The following ATRNL1 variants were observed in gnomAD, a reference collection of about 807,000 sequenced individuals.
ATRNL1 encodes the protein attractin like 1, also known as attractin-like protein 1.
A neutral mutation model predicts 182.7 loss-of-function variants in ATRNL1; 95 were observed. The observed-to-expected ratio is 0.52, with a 90% CI of 0.44 to 0.62. The LOEUF is 0.62. Among genes scored for constraint, ATRNL1 ranks in the 20% least tolerant of loss-of-function variants. The probability of loss-of-function intolerance (pLI) is 0.00; values close to 1 mark genes in which losing one functional copy is unlikely to be tolerated. For synonymous variants in ATRNL1, 576 were observed against 568.3 expected (o/e 1.01, Z -0.19); for missense variants, 1,471 against 1,679.5 (o/e 0.88, Z 2.17).
At chr10:115,757,047 T>C (rs1555072258) in intron 27 of ATRNL1, among the ~76,000 whole-genome samples, 1 of 152,188 alleles carries the variant, frequency 6.6e-6, no homozygotes, top group African/African-American at 2.4e-5. Context: ...TGAGCCTATG[T>C]GTGTCCCTAC....
intron 26 of ATRNL1, among the ~76,000 whole-genome samples, chr10:115,683,205 A>G (rs1555045267): frequency 2.6e-5 from 4 of 152,078 alleles, no homozygotes; most frequent in African/African-American, 9.6e-5. Context: ...CACATATGTT[A>G]TTCCATATTA....
intron 26 of ATRNL1, among the ~76,000 whole-genome samples, chr10:115,605,409 G>T (rs939784001): frequency 2.6e-5 from 4 of 151,748 alleles, no homozygotes; most frequent in Non-Finnish European, 4.4e-5. Context: ...ACTAATAATA[G>T]AAATTTCTGT....
chr10:115,271,627 A>G (rs1851871430), intron 13 of ATRNL1, among the ~76,000 whole-genome samples: 1 of 152,220 alleles, frequency 6.6e-6, no homozygotes, highest in Admixed American at 6.5e-5. Context: ...CCAGATATCC[A>G]TCAATGATAG....
intron 17 of ATRNL1, among the ~76,000 whole-genome samples, chr10:115,305,273 A>G (rs1564896140): frequency 3.3e-5 from 5 of 152,160 alleles, no homozygotes; most frequent in South Asian, 2.1e-4. Flanking sequence ...CTGTTACTTG[A>G]AGAGCTAAGG....
chr10:115,192,758 A>G (rs1848217680), intron 8 of ATRNL1, among the ~76,000 whole-genome samples: 1 of 152,060 alleles, frequency 6.6e-6, no homozygotes, highest in Admixed American at 6.6e-5. Flanking sequence ...AGTGTCTTAT[A>G]ATTTCAATTG....
intron 26 of ATRNL1, among the ~76,000 whole-genome samples, chr10:115,657,706 G>A (rs868972564): frequency 6.6e-6 from 1 of 151,924 alleles, no homozygotes; most frequent in African/African-American, 2.4e-5. Context: ...TTGTCATAAC[G>A]GCCACACTGA....
chr10:115,124,106 C>A (rs1452523084), intron 3 of ATRNL1, among the ~76,000 whole-genome samples: 4 of 151,952 alleles, frequency 2.6e-5, no homozygotes, highest in African/African-American at 9.7e-5. Flanking sequence ...TCATCCTCCC[C>A]CGGTCTGTGG....
chr10:115,301,691 A>C (rs1379324736), intron 16 of ATRNL1, among the ~76,000 whole-genome samples, 164 bp from the exon 17 acceptor site: 5 of 152,246 alleles, frequency 3.3e-5, no homozygotes, highest in Non-Finnish European at 5.9e-5. Flanking sequence ...AAAAATTTTA[A>C]GAAGTATTGA....
chr10:115,842,010 G>A (rs1447960059), intron 27 of ATRNL1, among the ~76,000 whole-genome samples: 7 of 151,858 alleles, frequency 4.6e-5, no homozygotes, highest in Admixed American at 4.6e-4. Context: ...GCAAGCTGTT[G>A]AAAAAGACTC....
chr10:115,162,186 T>C (rs966229246), intron 6 of ATRNL1, among the ~76,000 whole-genome samples: 2 of 151,362 alleles, frequency 1.3e-5, no homozygotes, highest in African/African-American at 4.9e-5. Flanking sequence ...ATTATAGACA[T>C]GAACATATAT....
At chr10:115,249,652 A>C (rs1227742910) in intron 10 of ATRNL1, among the ~76,000 whole-genome samples, 1 of 152,030 alleles carries the variant, frequency 6.6e-6, no homozygotes, top group Non-Finnish European at 1.5e-5. Flanking sequence ...TGAGTACATT[A>C]TGTTATTTTA....
At chr10:115,135,854 T>C (rs559906177) in intron 5 of ATRNL1, among the ~76,000 whole-genome samples, 5 of 152,160 alleles carry the variant, frequency 3.3e-5, no homozygotes, top group African/African-American at 1.2e-4. Context: ...GTCATTTTTT[T>C]TTCTTTGGTT....
rs114920408 is a variant in ATRNL1, at chr10:115,429,141, G to A, written c.3322+2839G>A. Among the ~76,000 whole-genome samples the A allele has an allele frequency of 6.4e-3, 970 of 151,902 alleles. 9 individuals carry two copies. Among genetic ancestry groups the A allele is most frequent in the African/African-American group, 0.022 (926 of 41,418 alleles). On this transcript the variant is annotated intron_variant, in intron 21 of 28. Coordinates refer to ENST00000355044, the MANE Select transcript of ATRNL1 (RefSeq NM_207303.4). ...GTTGATGCCTTGAAAATGATTTGCT[G>A]GGTGTGTAAAATTTATCCTTTTTTC...
At chr10:115,366,277 C>T (rs1476178024) in intron 19 of ATRNL1, among the ~76,000 whole-genome samples, 4 of 151,800 alleles carry the variant, frequency 2.6e-5, no homozygotes, top group Non-Finnish European at 5.9e-5. Flanking sequence ...ATGTAATGGC[C>T]TTCTTTGTCT....
intron 27 of ATRNL1, among the ~76,000 whole-genome samples, chr10:115,786,628 A>G (rs1593215977): frequency 6.6e-6 from 1 of 152,174 alleles, no homozygotes; most frequent in Non-Finnish European, 1.5e-5. Context: ...TTAATTAATT[A>G]TATCTGCAAA....
intron 10 of ATRNL1, 56 bp downstream of exon 10, chr10:115,241,781 A>C: frequency 1.5e-5 from 21 of 1,401,950 alleles, no homozygotes; most frequent in Non-Finnish European, 2.1e-5. Context: ...TTCCATATAG[A>C]TATTCTCAAA....
chr10:115,908,616 G>T (rs1245680194), intron 28 of ATRNL1, among the ~76,000 whole-genome samples: 1 of 152,094 alleles, frequency 6.6e-6, no homozygotes, highest in Non-Finnish European at 1.5e-5. Flanking sequence ...GAATTCCAAG[G>T]CTTAGTACAT....
chr10:115,430,604 A>G (rs1021790821), intron 21 of ATRNL1, among the ~76,000 whole-genome samples: 5 of 152,154 alleles, frequency 3.3e-5, no homozygotes, highest in African/African-American at 1.2e-4. Flanking sequence ...TTCATCTCCC[A>G]GGTAATAAGT....
At chr10:115,408,221 T>G (rs1554958848) in intron 20 of ATRNL1, among the ~76,000 whole-genome samples, 1 of 151,688 alleles carries the variant, frequency 6.6e-6, no homozygotes, top group African/African-American at 2.4e-5. Flanking sequence ...GCCAGGATGG[T>G]CTCGATCTCC....
Sources: gnomAD v4.1 joint callset for allele counts (sites outside exome capture counted in the v4.1 genomes callset) on GRCh38, gnomAD v4.1.1 for gene constraint, MANE v1.5 for transcripts, NCBI Gene and HGNC (gene_info 2026-07-23, HGNC 2026-07-21) for gene names.